TTC39B: variants seen among roughly 807,000 people sequenced by gnomAD.
TTC39B encodes the protein tetratricopeptide repeat protein 39B.
In TTC39B, 92 loss-of-function variants were observed where a neutral mutation model predicts 96.6. The ratio of observed to expected loss-of-function variants is 0.95; its 90% confidence interval spans 0.80 to 1.13. The LOEUF (loss-of-function observed/expected upper bound fraction) is 1.13. Among genes scored for constraint, TTC39B ranks in the 50% most tolerant of loss-of-function variants. TTC39B has a pLI of 0.00. For synonymous variants in TTC39B, 367 were observed against 299.4 expected (o/e 1.23, Z -2.33); for missense variants, 955 against 809.3 (o/e 1.18, Z -2.18).
At chr9:15,256,879 A>G (rs917619741) in intron 2 of TTC39B, among the ~76,000 whole-genome samples, 2 of 152,190 alleles carry the variant, frequency 1.3e-5, no homozygotes, top group African/African-American at 4.8e-5. Flanking sequence ...AACCACCTCA[A>G]ACCTTATGAA....
chr9:15,267,395 A>C (rs1305311112), intron 2 of TTC39B, among the ~76,000 whole-genome samples: 1 of 152,266 alleles, frequency 6.6e-6, no homozygotes, highest in Non-Finnish European at 1.5e-5. Flanking sequence ...ACCTTTAGAA[A>C]TAATTCAAAA....
chr9:15,164,247 A>G (rs190874363), exon 20 of TTC39B: 157 of 152,350 alleles, frequency 1.0e-3, no homozygotes, highest in African/African-American at 3.7e-3. Context: ...ATGAGAAGAG[A>G]AAAAGATAAA....
At chr9:15,227,695 A>G (rs1821200272) in intron 2 of TTC39B, among the ~76,000 whole-genome samples, 1 of 152,184 alleles carries the variant, frequency 6.6e-6, no homozygotes, top group African/African-American at 2.4e-5. Context: ...TGAAAAGGCT[A>G]TCTACCCATT....
At position 15,290,107 on chromosome 9, in the gene TTC39B, T is replaced by C. The variant is rs541864794; in HGVS notation, c.240+16977A>G. On this transcript the variant is annotated intron_variant, in intron 1 of 19. Transcript: ENST00000512701. ...TTACTTTCTCCTGGTGATTTTTAAT[T>C]TTTTAATTATTTTAAGTATTACAAG... Among the ~76,000 whole-genome samples the C allele has an allele frequency of 1.2e-4, 19 of 152,360 alleles. No individual in the cohort carries two copies. In the South Asian group the frequency reaches 2.7e-3, roughly 22 times the overall value.
chr9:15,305,551 T>C (rs777702479), intron 1 of TTC39B, among the ~76,000 whole-genome samples: 2 of 152,098 alleles, frequency 1.3e-5, no homozygotes, highest in Non-Finnish European at 1.5e-5. Flanking sequence ...TTAAGCAACA[T>C]CTTTTCTGCA....
chr9:15,231,794 G>A (rs1468906216), intron 2 of TTC39B, among the ~76,000 whole-genome samples: 1 of 152,200 alleles, frequency 6.6e-6, no homozygotes, highest in African/African-American at 2.4e-5. Flanking sequence ...ATAAAAATAT[G>A]TCCTTCAAGG....
At chr9:15,207,694 G>A (rs1316335658) in intron 6 of TTC39B, among the ~76,000 whole-genome samples, 1 of 151,988 alleles carries the variant, frequency 6.6e-6, no homozygotes, top group Non-Finnish European at 1.5e-5. Context: ...TTTAAAAATG[G>A]AGGATTATCA....
chr9:15,235,219 A>G (rs1821723058), intron 2 of TTC39B, among the ~76,000 whole-genome samples: 1 of 152,140 alleles, frequency 6.6e-6, no homozygotes, highest in Non-Finnish European at 1.5e-5. Flanking sequence ...TTTTTAAAAA[A>G]TAGCTTGAAG....
chr9:15,181,473 C>T (rs962480383), intron 17 of TTC39B, among the ~76,000 whole-genome samples: 5 of 152,124 alleles, frequency 3.3e-5, no homozygotes, highest in Admixed American at 1.3e-4. Context: ...TCCAACACTC[C>T]TCCCACTTCA....
At chr9:15,206,045 A>G (rs752764230) in intron 6 of TTC39B, among the ~76,000 whole-genome samples, 3 of 152,176 alleles carry the variant, frequency 2.0e-5, no homozygotes, top group Non-Finnish European at 4.4e-5. Context: ...TGGGCAGATC[A>G]GGGTTAAGTG....
At chr9:15,273,338 G>A (rs1823423320) in intron 1 of TTC39B, among the ~76,000 whole-genome samples, 1 of 151,898 alleles carries the variant, frequency 6.6e-6, no homozygotes, top group Admixed American at 6.6e-5. Flanking sequence ...GTTTGAAAAG[G>A]AATATGTGAC....
intron 1 of TTC39B, among the ~76,000 whole-genome samples, chr9:15,277,006 A>C (rs1189041989): frequency 6.6e-6 from 1 of 152,230 alleles, no homozygotes; most frequent in Non-Finnish European, 1.5e-5. Flanking sequence ...TGGATGAGAG[A>C]AAAGCCGGGT....
chr9:15,274,110 T>C (rs1823453738), intron 1 of TTC39B, among the ~76,000 whole-genome samples: 1 of 152,196 alleles, frequency 6.6e-6, no homozygotes, highest in Non-Finnish European at 1.5e-5. Context: ...GAGAAATGCA[T>C]AAACTCAAGT....
intron 8 of TTC39B, among the ~76,000 whole-genome samples, chr9:15,197,506 C>A (rs1480782949): frequency 6.6e-6 from 1 of 152,048 alleles, no homozygotes; most frequent in Non-Finnish European, 1.5e-5. Context: ...GTCAGATTAA[C>A]TTTCCCACAA....
chr9:15,276,077 G>A (rs1823532228), intron 1 of TTC39B, among the ~76,000 whole-genome samples: 1 of 152,186 alleles, frequency 6.6e-6, no homozygotes, highest in Non-Finnish European at 1.5e-5. Context: ...CCTGTGCCTT[G>A]ATTTCAACTG....
chr9:15,191,347 T>A (rs1276536883), intron 9 of TTC39B, 92 bp from the exon 10 acceptor site: 6 of 805,646 alleles, frequency 7.4e-6, no homozygotes, highest in Non-Finnish European at 1.2e-5. Flanking sequence ...AATGCTTCAA[T>A]AACATGAGAA....
chr9:15,243,170 G>C (rs1822121844), intron 2 of TTC39B, among the ~76,000 whole-genome samples: 1 of 152,166 alleles, frequency 6.6e-6, no homozygotes, highest in Admixed American at 6.5e-5. Context: ...AGGAGAGAGA[G>C]GGAAAACCTT....
At position 15,197,286 on chromosome 9, in the gene TTC39B, A is replaced by G. The variant is rs967730914; in HGVS notation, c.824+2575T>C. Among the ~76,000 whole-genome samples the G allele has an allele frequency of 2.6e-4, 39 of 152,230 alleles. 1 individual carries two copies. Among genetic ancestry groups the G allele is most frequent in the Non-Finnish European group, 1.3e-4 (9 of 68,044 alleles). ...GTATTTTTAGGTTTTGATGACTAAA[A>G]CAGCAATTAGCATTGAATTTAACAT... On this transcript the variant is annotated intron_variant, in intron 8 of 19. Coordinates refer to ENST00000512701, the Ensembl canonical transcript of TTC39B.
chr9:15,299,618 C>T (rs1480345912), intron 1 of TTC39B, among the ~76,000 whole-genome samples: 1 of 152,154 alleles, frequency 6.6e-6, no homozygotes, highest in African/African-American at 2.4e-5. Context: ...TCAAAAGCAC[C>T]CACAGGAGTC....
Sources: allele counts gnomAD v4.1 joint callset (sites outside exome capture counted in the v4.1 genomes callset), GRCh38; gene constraint gnomAD v4.1.1; transcripts MANE v1.5; gene names NCBI Gene and HGNC (gene_info 2026-07-23, HGNC 2026-07-21).